WWOX: variants seen among roughly 807,000 people sequenced by gnomAD.
WWOX encodes WW domain-containing oxidoreductase.
A neutral mutation model predicts 46.2 loss-of-function variants in WWOX; 69 were observed. That is an observed-to-expected ratio of 1.49 (90% CI 1.23 to 1.82). The LOEUF is 1.82. Among genes scored for constraint, WWOX ranks in the 40% most tolerant of loss-of-function variants. WWOX has a pLI of 0.00. For synonymous variants in WWOX, 359 were observed against 202.6 expected (o/e 1.77, Z -6.56); for missense variants, 919 against 542.6 (o/e 1.69, Z -6.89).
At chr16:78,937,527 T>G (rs2045765289) in intron 8 of WWOX, among the ~76,000 whole-genome samples, 2 of 146,984 alleles carry the variant, frequency 1.4e-5, no homozygotes, top group Non-Finnish European at 3.0e-5. Flanking sequence ...ACTCCTGAGT[T>G]CAAGTGATCT....
chr16:78,731,087 G>C (rs1419598644), intron 8 of WWOX, among the ~76,000 whole-genome samples: 1 of 152,144 alleles, frequency 6.6e-6, no homozygotes, highest in African/African-American at 2.4e-5. Flanking sequence ...TTGATGTCAT[G>C]GGTGGGAAAT....
At chr16:78,794,653 G>C (rs2050692029) in intron 8 of WWOX, among the ~76,000 whole-genome samples, 1 of 152,196 alleles carries the variant, frequency 6.6e-6, no homozygotes, top group African/African-American at 2.4e-5. Flanking sequence ...CAAGACCTTG[G>C]TAAGTTATAG....
chr16:78,155,355 G>A (rs2034562625), intron 4 of WWOX, among the ~76,000 whole-genome samples: 1 of 152,198 alleles, frequency 6.6e-6, no homozygotes, highest in Non-Finnish European at 1.5e-5. Context: ...CTGATCATCA[G>A]TTTGTGACCT....
At chr16:78,784,967 C>G (rs946140335) in intron 8 of WWOX, among the ~76,000 whole-genome samples, 2 of 152,092 alleles carry the variant, frequency 1.3e-5, no homozygotes, top group Admixed American at 1.3e-4. Flanking sequence ...TTCAGAAGGT[C>G]CCGTGGGCAG....
At chr16:78,377,840 T>A (rs1470077744) in intron 5 of WWOX, among the ~76,000 whole-genome samples, 2 of 152,206 alleles carry the variant, frequency 1.3e-5, no homozygotes, top group African/African-American at 4.8e-5. Flanking sequence ...TGGTGCAATT[T>A]CTCCTTGAAT....
intron 5 of WWOX, among the ~76,000 whole-genome samples, chr16:78,280,045 C>T (rs2079648553): frequency 6.6e-6 from 1 of 152,260 alleles, no homozygotes; most frequent in Non-Finnish European, 1.5e-5. Context: ...CACCAGGCAA[C>T]TGGAGTTTCG....
chr16:79,124,724 C>T (rs1035878234), intron 8 of WWOX, among the ~76,000 whole-genome samples: 2 of 152,138 alleles, frequency 1.3e-5, no homozygotes, highest in Non-Finnish European at 2.9e-5. Flanking sequence ...AGATGTGAAA[C>T]ATTTGTGTCT....
chr16:78,573,115 C>T (rs867074663), intron 8 of WWOX, among the ~76,000 whole-genome samples: 1 of 151,896 alleles, frequency 6.6e-6, no homozygotes, highest in Middle Eastern at 3.4e-3. Context: ...GAAACCCCGT[C>T]TGTACCAAAA....
intron 8 of WWOX, among the ~76,000 whole-genome samples, chr16:78,578,131 C>G (rs373861026): frequency 6.6e-6 from 1 of 151,002 alleles, no homozygotes; most frequent in Admixed American, 6.6e-5. Flanking sequence ...ACACTATGCA[C>G]TAATTAAGCT....
intron 8 of WWOX, among the ~76,000 whole-genome samples, chr16:79,178,828 T>C (rs1396849080): frequency 6.6e-6 from 1 of 152,198 alleles, no homozygotes; most frequent in Non-Finnish European, 1.5e-5. Context: ...TTTTGAATAA[T>C]AGAAACAATT....
At chr16:78,490,133 A>ATT (rs1555548515) in intron 8 of WWOX, among the ~76,000 whole-genome samples, 1,840 of 141,088 alleles carry the variant, frequency 0.013, 28 homozygotes, top group African/African-American at 0.045. Context: ...TGGGGAAAAA[A>ATT]TTTTTTTTTT....
At chr16:79,092,963 T>C (rs1240442647) in intron 8 of WWOX, among the ~76,000 whole-genome samples, 2 of 152,182 alleles carry the variant, frequency 1.3e-5, no homozygotes, top group African/African-American at 4.8e-5. Context: ...ATTTTCTAGT[T>C]AGGTTGGAGC....
At chr16:78,560,849 T>C (rs1461778753) in intron 8 of WWOX, among the ~76,000 whole-genome samples, 1 of 151,980 alleles carries the variant, frequency 6.6e-6, no homozygotes, top group Non-Finnish European at 1.5e-5. Context: ...GATTGTTGCA[T>C]GCTGCAGAAT....
At chr16:79,005,548 G>C (rs760905483) in intron 8 of WWOX, among the ~76,000 whole-genome samples, 5 of 152,138 alleles carry the variant, frequency 3.3e-5, no homozygotes, top group African/African-American at 4.8e-5. Flanking sequence ...CCTCTTCCCG[G>C]CCTGTAGGTA....
intron 8 of WWOX, among the ~76,000 whole-genome samples, chr16:78,875,724 G>A (rs982859749): frequency 1.3e-5 from 2 of 152,126 alleles, no homozygotes; most frequent in South Asian, 4.1e-4. Flanking sequence ...TTTCCTAGTC[G>A]ATTACAACTG....
chr16:78,502,555 G>C (rs1368094610), intron 8 of WWOX, among the ~76,000 whole-genome samples: 2 of 152,164 alleles, frequency 1.3e-5, no homozygotes, highest in Non-Finnish European at 2.9e-5. Flanking sequence ...GCCATTGTAT[G>C]GATATACCAC....
intron 8 of WWOX, chr16:79,004,554 G>C (rs1050608470): frequency 6.6e-6 from 1 of 152,258 alleles, no homozygotes; most frequent in Admixed American, 6.5e-5. Flanking sequence ...GTGAGCTCAG[G>C]TCAGCATTGC....
intron 8 of WWOX, among the ~76,000 whole-genome samples, chr16:78,962,738 A>G (rs1227265262): frequency 6.6e-6 from 1 of 152,178 alleles, no homozygotes; most frequent in African/African-American, 2.4e-5. Context: ...TGTAAACACC[A>G]CTCAGATCAA....
chr16:78,141,109 T>C (rs2033970343), intron 4 of WWOX, among the ~76,000 whole-genome samples: 3 of 152,212 alleles, frequency 2.0e-5, no homozygotes, highest in Admixed American at 2.0e-4. Context: ...GATTGCCTGC[T>C]TTTGGATCAC....
Sources: allele counts gnomAD v4.1 joint callset (sites outside exome capture counted in the v4.1 genomes callset), GRCh38; gene constraint gnomAD v4.1.1; transcripts MANE v1.5; gene names NCBI Gene and HGNC (gene_info 2026-07-23, HGNC 2026-07-21).